BTRC: variants seen among roughly 807,000 people sequenced by gnomAD.
BTRC encodes beta-transducin repeat containing E3 ubiquitin protein ligase.
In BTRC, 42 loss-of-function variants were observed where a neutral mutation model predicts 85.5. The ratio of observed to expected loss-of-function variants is 0.49; its 90% CI spans 0.38 to 0.64. The LOEUF is 0.64. Ranked by LOEUF, BTRC falls within the 30% of genes least tolerant of loss-of-function variation. BTRC has a pLI of 0.00. For synonymous variants in BTRC, 255 were observed against 263.3 expected, an observed-to-expected ratio of 0.97 and a Z score of 0.30; for missense variants, 594 against 743.5, an observed-to-expected ratio of 0.80 and a Z score of 2.34.
intron 1 of BTRC, among the ~76,000 whole-genome samples, chr10:101,408,769 C>T (rs115250463): frequency 0.012 from 1,845 of 152,186 alleles, 43 homozygotes; most frequent in African/African-American, 0.042. Flanking sequence ...TGAGGTTGGC[C>T]GGGCACAGTG....
intron 3 of BTRC, among the ~76,000 whole-genome samples, chr10:101,474,266 A>T (rs187020729): frequency 2.8e-4 from 43 of 152,214 alleles, no homozygotes; most frequent in Non-Finnish European, 5.6e-4. Flanking sequence ...GATCACTATG[A>T]CCTTGTGGAG....
intron 4 of BTRC, among the ~76,000 whole-genome samples, chr10:101,480,515 C>G (rs983058672): frequency 6.6e-6 from 1 of 152,184 alleles, no homozygotes; most frequent in South Asian, 2.1e-4. Flanking sequence ...TCACTGCATC[C>G]TCACATGATA....
chr10:101,508,742 G>A (rs1286177188), intron 4 of BTRC, among the ~76,000 whole-genome samples: 4 of 151,750 alleles, frequency 2.6e-5, no homozygotes, highest in South Asian at 2.1e-4. Flanking sequence ...GTGATACCCC[G>A]TCTCTACTAA....
intron 7 of BTRC, 63 bp from the exon 8 acceptor site, chr10:101,532,232 C>T: frequency 6.6e-7 from 1 of 1,523,258 alleles, no homozygotes; most frequent in Non-Finnish European, 8.9e-7. Context: ...GTCATTAAAG[C>T]CTAAAAAGAG....
chr10:101,532,889 CCAA>C, intron 8 of BTRC, 60 bp from the exon 9 acceptor site: 4 of 1,300,194 alleles, frequency 3.1e-6, no homozygotes, highest in Non-Finnish European at 4.4e-6. Flanking sequence ...CGTAATAGGA[CCAA>C]CAAGTCTCCA....
chr10:101,551,837 C>T (rs2062655496), intron 14 of BTRC, among the ~76,000 whole-genome samples: 1 of 152,168 alleles, frequency 6.6e-6, no homozygotes, highest in Non-Finnish European at 1.5e-5. Context: ...AGTAACTTCC[C>T]AGACCCTGAA....
chr10:101,544,699 C>T (rs2062529872), intron 13 of BTRC, among the ~76,000 whole-genome samples: 1 of 152,116 alleles, frequency 6.6e-6, no homozygotes, highest in African/African-American at 2.4e-5. Context: ...GTGCAAGCCA[C>T]TGCGCCTGGC....
chr10:101,538,476 CA>C, intron 13 of BTRC, 105 bp downstream of exon 13: 1 of 1,007,442 alleles, frequency 9.9e-7, no homozygotes, highest in Non-Finnish European at 1.5e-6. Flanking sequence ...TACAACCTCA[CA>C]AAACCTACAA....
At position 101,550,748 on chromosome 10, in the gene BTRC, T is replaced by C; in HGVS notation, c.1706T>C (p.Val569Ala). Residue 569 changes from valine to alanine, a missense_variant, in exon 14 of 15, where the codon GTC becomes GCC. Physicochemically the swap from Val to Ala is moderately conservative, Grantham distance 64. Around this residue, in one of 4 missense-constraint regions of BTRC, gnomAD observed 373 missense variants for 503.6 expected, o/e 0.74. Transcript: ENST00000370187. ...CTACAGTTTGATGAATTCCAGATTG[T>C]CAGTAGTTCACATGATGACACAATC... ...FRLQFDEFQIVSSSHDDTILI... is the reference protein window; with the variant it reads ...FRLQFDEFQIASSSHDDTILI... 6.2e-7 allele frequency: 1 copy of C among 1,613,940 alleles called. No individual in the cohort carries two copies. The highest frequency in any genetic ancestry group is 2.2e-5 in the East Asian group (1 of 44,884).
rs1189165613 is a variant in BTRC, at chr10:101,360,042, AG to A, written c.48+5815del. Among the ~76,000 whole-genome samples, 3 of 149,016 alleles carry A rather than the reference AG, an allele frequency of 2.0e-5. No homozygotes were observed. The East Asian group carries it at 5.8e-4, about 29-fold the overall frequency. On this transcript the variant is annotated intron_variant, in intron 1 of 14. Transcript: ENST00000370187. Reference sequence around the variant, plus strand: ...CTAAATTAGAAAATAAACTTTCAAAAGAGATCTCTTTTTTTTAAAAAAACTT... The same window carrying A: ...CTAAATTAGAAAATAAACTTTCAAAAAGATCTCTTTTTTTTAAAAAAACTT...
Position 101,526,205 on chromosome 10 carries a change from C to T in BTRC, c.743+6C>T, listed in dbSNP as rs746460151. 6.2e-7 allele frequency: 1 copy of T among 1,612,160 alleles called. No individual in the cohort carries two copies. Among genetic ancestry groups the T allele is most frequent in the African/African-American group, 1.3e-5 (1 of 74,844 alleles). ...CTGGCAGAACGAAGAGGATGGTGAGCCTTTAACTTTTCTTACTCTTATACG... is the reference window on the plus strand; with the variant it reads ...CTGGCAGAACGAAGAGGATGGTGAGTCTTTAACTTTTCTTACTCTTATACG... On this transcript the variant is annotated splice_donor_region_variant and intron_variant, in intron 6 of 14. Coordinates refer to ENST00000370187, the MANE Select transcript of BTRC (RefSeq NM_033637.4).
At chr10:101,462,283 A>G (rs1178280113) in intron 3 of BTRC, among the ~76,000 whole-genome samples, 4 of 152,238 alleles carry the variant, frequency 2.6e-5, no homozygotes, top group Non-Finnish European at 5.9e-5. Context: ...GCATTTTTAA[A>G]AAAGTATAAA....
rs1943906829 is a variant in BTRC, at chr10:101,415,459, CTTT to C, written c.49-14884_49-14882del. On this transcript the variant is annotated intron_variant, in intron 1 of 14. Coordinates refer to ENST00000370187, the MANE Select transcript of BTRC (RefSeq NM_033637.4). ...CCAAAGCCACCACACCCAGCCACCACTTTTATTTTATTTTATTTTATTTTATTT... is the reference window on the plus strand; with the variant it reads ...CCAAAGCCACCACACCCAGCCACCACTATTTTATTTTATTTTATTTTATTT... 9.5e-5 allele frequency among the ~76,000 whole-genome samples: 10 copies of C among 105,816 alleles called. No homozygotes were observed. The South Asian group carries it at 3.9e-3, about 41-fold the overall frequency. 69.4% of individuals were successfully genotyped at this position (105,816 alleles called of 152,430 possible). A position where few individuals can be genotyped will look rare whatever the true frequency, so the allele number is the denominator to read the frequency against.
At chr10:101,461,510 A>T (rs892005362) in intron 2 of BTRC, among the ~76,000 whole-genome samples, 5 of 152,228 alleles carry the variant, frequency 3.3e-5, no homozygotes, top group Non-Finnish European at 1.5e-5. Flanking sequence ...GTCCTATGCT[A>T]CTTTTATCAA....
At chr10:101,505,378 G>T (rs1421265349) in intron 4 of BTRC, among the ~76,000 whole-genome samples, 1 of 150,220 alleles carries the variant, frequency 6.7e-6, no homozygotes, top group African/African-American at 2.4e-5. Context: ...CCAGCACTCT[G>T]GGAGGCCGAG....
intron 1 of BTRC, among the ~76,000 whole-genome samples, chr10:101,362,281 T>C (rs1942232166): frequency 6.6e-6 from 1 of 151,162 alleles, no homozygotes; most frequent in Admixed American, 6.6e-5. Flanking sequence ...CTTTCTAAAG[T>C]CTTGCTCCTT....
intron 1 of BTRC, among the ~76,000 whole-genome samples, chr10:101,359,621 A>C (rs1424767048): frequency 1.2e-5 from 1 of 82,636 alleles, no homozygotes. Flanking sequence ...TTTTTTTGAG[A>C]TGGAGTTTTG....
At chr10:101,493,370 G>A (rs932239377) in intron 4 of BTRC, among the ~76,000 whole-genome samples, 1 of 152,224 alleles carries the variant, frequency 6.6e-6, no homozygotes. Context: ...CATCACAATA[G>A]TCTCATTGTG....
intron 4 of BTRC, among the ~76,000 whole-genome samples, chr10:101,497,376 G>A (rs9420833): frequency 0.37 from 56,904 of 151,946 alleles, 11,755 homozygotes; most frequent in Middle Eastern, 0.49. Context: ...GCACTTGAAC[G>A]TGGAACAGTC....
Sources: gnomAD v4.1 joint callset for allele counts (sites outside exome capture counted in the v4.1 genomes callset) on GRCh38, gnomAD v4.1.1 for gene constraint, gnomAD v4.1.1 regional missense constraint, MANE v1.5 for transcripts, NCBI Gene and HGNC (gene_info 2026-07-23, HGNC 2026-07-21) for gene names.